KCNIP4: variants seen among roughly 807,000 people sequenced by gnomAD.
The protein encoded by KCNIP4 is Kv channel-interacting protein 4.
A neutral mutation model predicts 34.0 loss-of-function variants in KCNIP4; 12 were observed. That is an observed-to-expected ratio of 0.35 (90% CI 0.23 to 0.57). The LOEUF is 0.57. Among genes scored for constraint, KCNIP4 ranks in the 20% least tolerant of loss-of-function variants. The probability of loss-of-function intolerance (pLI) is 0.83; values close to 1 mark genes in which losing one functional copy is unlikely to be tolerated. For synonymous variants in KCNIP4, 124 were observed against 102.2 expected (o/e 1.21, Z -1.29); for missense variants, 238 against 311.7 (o/e 0.76, Z 1.78).
intron 1 of KCNIP4, among the ~76,000 whole-genome samples, chr4:21,834,332 G>A (rs1424744366): frequency 6.6e-6 from 1 of 152,094 alleles, no homozygotes. Context: ...GGATTCCTAG[G>A]TATTTTATTC....
At chr4:21,064,942 T>C (rs1467238758) in intron 1 of KCNIP4, among the ~76,000 whole-genome samples, 1 of 152,234 alleles carries the variant, frequency 6.6e-6, no homozygotes, top group Non-Finnish European at 1.5e-5. Context: ...TGGAATGTTA[T>C]AGTTTTAATT....
chr4:21,815,352 T>C (rs756152125), intron 1 of KCNIP4, among the ~76,000 whole-genome samples: 4 of 152,186 alleles, frequency 2.6e-5, no homozygotes, highest in Non-Finnish European at 2.9e-5. Context: ...ACATATGTGA[T>C]AATGTATGTA....
intron 1 of KCNIP4, among the ~76,000 whole-genome samples, chr4:21,105,095 T>C (rs1400071573): frequency 2.0e-5 from 3 of 151,740 alleles, no homozygotes; most frequent in Admixed American, 6.5e-5. Flanking sequence ...TTTGGTTCCA[T>C]ATGAACCTTA....
intron 1 of KCNIP4, among the ~76,000 whole-genome samples, chr4:21,137,891 T>TTTTTTGGG (rs397992493): frequency 6.8e-6 from 1 of 147,410 alleles, no homozygotes; most frequent in Admixed American, 6.8e-5. Flanking sequence ...TTTTTTTTTT[T>TTTTTTGGG]GATGGAGTCT....
At chr4:20,801,271 T>G (rs1321161617) in intron 3 of KCNIP4, among the ~76,000 whole-genome samples, 1 of 146,924 alleles carries the variant, frequency 6.8e-6, no homozygotes, top group Non-Finnish European at 1.5e-5. Context: ...CTAAAAGAAG[T>G]GCTTAAGGAA....
At chr4:21,152,359 C>T (rs908047747) in intron 1 of KCNIP4, among the ~76,000 whole-genome samples, 8 of 152,172 alleles carry the variant, frequency 5.3e-5, no homozygotes, top group African/African-American at 1.9e-4. Context: ...TCTAATGTGT[C>T]TATATTCACT....
intron 1 of KCNIP4, among the ~76,000 whole-genome samples, chr4:20,937,900 TC>T (rs1279130544): frequency 6.6e-6 from 1 of 152,220 alleles, no homozygotes; most frequent in Non-Finnish European, 1.5e-5. Flanking sequence ...TCTTCAATTC[TC>T]ATGTTTAACT....
chr4:20,846,766 A>G (rs1720435211), intron 3 of KCNIP4, among the ~76,000 whole-genome samples: 1 of 152,176 alleles, frequency 6.6e-6, no homozygotes, highest in African/African-American at 2.4e-5. Context: ...CTAATAGGTC[A>G]TTTCTTTTTG....
intron 1 of KCNIP4, among the ~76,000 whole-genome samples, chr4:21,645,018 T>C (rs560647282): frequency 2.6e-5 from 4 of 152,306 alleles, no homozygotes; most frequent in Admixed American, 2.0e-4. Context: ...AACATTACTA[T>C]TTGCCAGATG....
At chr4:21,003,440 T>C (rs909136550) in intron 1 of KCNIP4, among the ~76,000 whole-genome samples, 18 of 152,198 alleles carry the variant, frequency 1.2e-4, no homozygotes, top group African/African-American at 4.3e-4. Context: ...TAAAAGCCAC[T>C]TTACCTAAGA....
intron 1 of KCNIP4, among the ~76,000 whole-genome samples, chr4:21,653,314 T>A (rs1322947582): frequency 6.6e-6 from 1 of 152,178 alleles, no homozygotes; most frequent in Non-Finnish European, 1.5e-5. Context: ...TCTTCAGGCA[T>A]CAGCTTTCTT....
rs138044546 is a variant in KCNIP4 at position 21,605,682 on chromosome 4, T to C, written c.61+342889A>G. Reference sequence around the variant, plus strand: ...TTTTAGTAGAGATGGGGTTTCACCATGTTGGCCAGGCTGGTCTCGAATTCC... The same window carrying C: ...TTTTAGTAGAGATGGGGTTTCACCACGTTGGCCAGGCTGGTCTCGAATTCC... On this transcript the variant is annotated intron_variant, in intron 1 of 8. Transcript: ENST00000382152. 2.3e-3 allele frequency among the ~76,000 whole-genome samples: 354 copies of C among 152,278 alleles called. 3 individuals carry two copies. Among genetic ancestry groups the C allele is most frequent in the African/African-American group, 8.3e-3 (344 of 41,560 alleles).
intron 1 of KCNIP4, among the ~76,000 whole-genome samples, chr4:21,432,091 C>CATATATAT (rs71655634): frequency 0.019 from 695 of 36,326 alleles, 50 homozygotes; most frequent in South Asian, 0.031. Flanking sequence ...AAAATGGAAG[C>CATATATAT]ATATATATAT....
At chr4:21,510,437 T>C (rs1734213786) in intron 1 of KCNIP4, among the ~76,000 whole-genome samples, 1 of 152,182 alleles carries the variant, frequency 6.6e-6, no homozygotes, top group African/African-American at 2.4e-5. Context: ...ATTCTACTGA[T>C]ACTATTGACA....
At chr4:21,104,576 T>G (rs1748305124) in intron 1 of KCNIP4, among the ~76,000 whole-genome samples, 1 of 152,188 alleles carries the variant, frequency 6.6e-6, no homozygotes, top group African/African-American at 2.4e-5. Context: ...TTTCTTTTGC[T>G]GTGCAGAAGC....
At chr4:20,749,913 A>C (rs970736853) in intron 4 of KCNIP4, among the ~76,000 whole-genome samples, 181 bp from the exon 5 acceptor site, 2 of 152,174 alleles carry the variant, frequency 1.3e-5, no homozygotes, top group Non-Finnish European at 2.9e-5. Flanking sequence ...TCACAGGAAG[A>C]AGCAACCTAC....
intron 1 of KCNIP4, among the ~76,000 whole-genome samples, chr4:21,772,999 A>G (rs1718904933): frequency 6.6e-6 from 1 of 151,892 alleles, no homozygotes; most frequent in Non-Finnish European, 1.5e-5. Flanking sequence ...AGCTCTTTTA[A>G]TTGGGATGTT....
intron 1 of KCNIP4, among the ~76,000 whole-genome samples, chr4:21,923,333 G>A (rs1437040756): frequency 3.3e-5 from 5 of 152,156 alleles, no homozygotes; most frequent in Non-Finnish European, 7.3e-5. Flanking sequence ...TGTAAGCCCA[G>A]CACTTTGGGA....
At position 21,112,269 on chromosome 4, in the gene KCNIP4, G is replaced by A. The variant is rs139457177; in HGVS notation, c.62-229560C>T. Among the ~76,000 whole-genome samples the A allele has an allele frequency of 1.6e-4, 24 of 152,246 alleles. No individual in the cohort carries two copies. In the East Asian group the frequency reaches 4.5e-3, roughly 28 times the overall value. ...AGGATCTATCTTCAGGATCTATCTA[G>A]CTCTAACCATTTCTGAAATTTCTGC... is the stretch of plus-strand genomic sequence containing the variant. On this transcript the variant is annotated intron_variant, in intron 1 of 8. Coordinates refer to ENST00000382152, the MANE Select transcript of KCNIP4 (RefSeq NM_025221.6).
Sources: gnomAD v4.1 joint callset for allele counts (sites outside exome capture counted in the v4.1 genomes callset) on GRCh38, gnomAD v4.1.1 for gene constraint, MANE v1.5 for transcripts, NCBI Gene and HGNC (gene_info 2026-07-23, HGNC 2026-07-21) for gene names.